The following FPGT variants were observed in gnomAD, a reference collection of about 807,000 sequenced individuals.
The protein encoded by FPGT is fucose-1-phosphate guanylyltransferase, also known as GDP-L-fucose diphosphorylase.
A neutral mutation model predicts 45.8 loss-of-function variants in FPGT; 41 were observed. The ratio of observed to expected loss-of-function variants is 0.90; its 90% CI spans 0.70 to 1.16. FPGT has a LOEUF of 1.16. FPGT is among the 50% of genes most tolerant of loss of function. The probability of loss-of-function intolerance (pLI) is 0.00; values close to 1 mark genes in which losing one functional copy is unlikely to be tolerated. For synonymous variants in FPGT, 292 were observed against 247.2 expected (o/e 1.18, Z -1.70); for missense variants, 755 against 689.1 (o/e 1.10, Z -1.07).
At chr1:74,199,881 C>A (rs537311556) in intron 2 of FPGT, 50 bp downstream of exon 2, 4 of 1,570,180 alleles carry the variant, frequency 2.5e-6, no homozygotes, top group African/African-American at 1.4e-5. Context: ...GCAGAATAAT[C>A]ATTGAAGAAA....
Position 74,207,830 on chromosome 1 carries a change from GATGTT to G in FPGT, c.*2001_*2005del, listed in dbSNP as rs1445363036. On this transcript the variant is annotated 3_prime_UTR_variant, in exon 4 of 4. Coordinates refer to ENST00000370898, the MANE Select transcript of FPGT (RefSeq NM_003838.5). ...TTATCTACTTACAGAGCGTTCAGAG[GATGTT>G]ATATGTTTATTAAGTGCTCAATACT... Among the ~76,000 whole-genome samples, 3 of 151,984 alleles carry G rather than the reference GATGTT, an allele frequency of 2.0e-5. No homozygotes were observed. The highest frequency in any genetic ancestry group is 4.4e-5 in the Non-Finnish European group (3 of 67,950).
Position 74,204,842 on chromosome 1 carries a change from T to A in FPGT, c.795T>A (p.Ser265=). The A allele has an allele frequency of 6.2e-7, 1 of 1,613,706 alleles. No individual in the cohort carries two copies. The highest frequency in any genetic ancestry group is 1.1e-5 in the South Asian group (1 of 91,078). Residue 265 remains serine, a synonymous_variant, in exon 4 of 4, where the codon TCT becomes TCA. Coordinates refer to ENST00000370898, the MANE Select transcript of FPGT (RefSeq NM_003838.5). Reference sequence around the variant, plus strand: ...ACATTGCCGATCTTAAATTAGACTCTGACTATGTCTACACAGATAGCCTAT... The same window carrying A: ...ACATTGCCGATCTTAAATTAGACTCAGACTATGTCTACACAGATAGCCTAT... ...GGDIADLKLD[S]DYVYTDSLFY...
chr1:74,199,034 A>G (rs1487680244), intron 1 of FPGT, among the ~76,000 whole-genome samples: 2 of 152,188 alleles, frequency 1.3e-5, no homozygotes, highest in African/African-American at 4.8e-5. Flanking sequence ...GTTTATCAAT[A>G]AAGAGATTCC....
chr1:74,199,546 C>T lies in FPGT; in HGVS notation c.83-118C>T, dbSNP rs1570309182. ...CCCTAACTTTCAAAAGCCAAAGATA[C>T]ATTTTGGAAGATGATAATGGATATT... On this transcript the variant is annotated intron_variant, in intron 1 of 3. Transcript: ENST00000370898. 6.3e-6 allele frequency: 7 copies of T among 1,112,170 alleles called. No individual in the cohort carries two copies. In the Middle Eastern group the frequency reaches 6.3e-4, roughly 100 times the overall value. The allele number at this position is 1,112,170 out of a possible 1,614,324, so 68.9% of individuals were successfully genotyped here.
intron 2 of FPGT, 118 bp downstream of exon 2, chr1:74,199,949 T>G: frequency 8.5e-7 from 1 of 1,179,392 alleles, no homozygotes. Flanking sequence ...CTTTACAAAC[T>G]TTAAAATTTG....
chr1:74,199,953 A>G, intron 2 of FPGT, 122 bp downstream of exon 2: 1 of 1,135,076 alleles, frequency 8.8e-7, no homozygotes, highest in East Asian at 2.7e-5. Context: ...ACAAACTTTA[A>G]AATTTGAACA....
rs1652348509 is a variant in FPGT, at chr1:74,207,177, A to G, written c.*1345A>G. On this transcript the variant is annotated 3_prime_UTR_variant, in exon 4 of 4. Coordinates refer to ENST00000370898, the MANE Select transcript of FPGT (RefSeq NM_003838.5). ...AGTGCCATCAGTTATAAGAATCACC[A>G]TTATTTTATGTTCCATTAAGAAAAA... The G allele has an allele frequency of 6.6e-6, 1 of 152,098 alleles. No homozygotes were observed. The highest frequency in any genetic ancestry group is 1.5e-5 in the Non-Finnish European group (1 of 67,980). The allele number at this position is 152,098 out of a possible 1,614,324, so 9.4% of individuals were successfully genotyped here.
rs569845479 is a variant in FPGT, at chr1:74,206,838, G to C, written c.*1006G>C. On this transcript the variant is annotated 3_prime_UTR_variant, in exon 4 of 4. Transcript: ENST00000370898. Reference sequence around the variant, plus strand: ...TCTCAAGTTATGTGTTTCTATATTGGTATAAGCATATAAGTGAAAAGTCTT... The same window carrying C: ...TCTCAAGTTATGTGTTTCTATATTGCTATAAGCATATAAGTGAAAAGTCTT... 6.6e-6 allele frequency: 1 copy of C among 152,050 alleles called. No homozygotes were observed. The highest frequency in any genetic ancestry group is 1.5e-5 in the Non-Finnish European group (1 of 67,932). The allele number at this position is 152,050 out of a possible 1,614,324, so 9.4% of individuals were successfully genotyped here.
chr1:74,202,756 A>G (rs1651915601), intron 3 of FPGT, among the ~76,000 whole-genome samples: 1 of 152,220 alleles, frequency 6.6e-6, no homozygotes, highest in Non-Finnish European at 1.5e-5. Context: ...AGCTTAAAAC[A>G]CAAACACTGT....
chr1:74,199,989 A>G, intron 2 of FPGT, 158 bp downstream of exon 2: 1 of 858,502 alleles, frequency 1.2e-6, no homozygotes, highest in Admixed American at 3.4e-5. Flanking sequence ...TAGAAAGATA[A>G]AAGGAATAGC....
In FPGT at chr1:74,208,278, C is replaced by T. The variant is rs982162436; in HGVS notation, c.*2446C>T. On this transcript the variant is annotated 3_prime_UTR_variant, in exon 4 of 4. Coordinates refer to ENST00000370898, the MANE Select transcript of FPGT (RefSeq NM_003838.5). ...TCCTAAATTTAATCCCTGAATAATG[C>T]AGTGTACATGATGATAGAGGAGAAG... Among the ~76,000 whole-genome samples the T allele has an allele frequency of 2.0e-5, 3 of 150,472 alleles. No individual in the cohort carries two copies. Among genetic ancestry groups the T allele is most frequent in the African/African-American group, 7.3e-5 (3 of 41,008 alleles).
chr1:74,202,144 G>A (rs575754), intron 3 of FPGT, among the ~76,000 whole-genome samples: 128,757 of 152,242 alleles, frequency 0.85, 55,444 homozygotes, highest in East Asian at 0.97. Flanking sequence ...GTCTCAGAAT[G>A]AAGAATAGCT....
At chr1:74,203,740 T>C (rs1557672064) in intron 3 of FPGT, among the ~76,000 whole-genome samples, 1 of 151,978 alleles carries the variant, frequency 6.6e-6, no homozygotes, top group African/African-American at 2.4e-5. Context: ...TTGAAATTTG[T>C]TGTTTAAAAT....
rs767517976 is a variant in FPGT, at chr1:74,198,347, T to A, written c.69T>A (p.Phe23Leu). The change falls in exon 1 of 4, where the codon TTT becomes TTA. Residue 23 changes from phenylalanine to leucine, a missense_variant. Physicochemically the swap from Phe to Leu is conservative, Grantham distance 22 (BLOSUM62 0). Coordinates refer to ENST00000370898, the MANE Select transcript of FPGT (RefSeq NM_003838.5). ...REATQRKLRR[F>L]SELRGKLVAR... is the part of the protein sequence containing the mutation. ...CCACCCAGCGAAAATTGCGGAGGTTTTCCGAGCTAAGAGGTACCAGAGAAG... is the reference window on the plus strand; with the variant it reads ...CCACCCAGCGAAAATTGCGGAGGTTATCCGAGCTAAGAGGTACCAGAGAAG... The A allele has an allele frequency of 4.3e-6, 7 of 1,614,130 alleles. No homozygotes were observed. Among genetic ancestry groups the A allele is most frequent in the Non-Finnish European group, 5.9e-6 (7 of 1,180,008 alleles).
chr1:74,201,529 T>A, intron 3 of FPGT, 119 bp downstream of exon 3: 1 of 651,996 alleles, frequency 1.5e-6, no homozygotes, highest in Non-Finnish European at 2.4e-6. Flanking sequence ...TTTGAAGTTA[T>A]TCTGCTTTGA....
rs1380236119 is a variant in FPGT at position 74,204,936 on chromosome 1, G to A, written c.889G>A (p.Glu297Lys). 1 of 1,614,100 alleles carries A rather than the reference G, an allele frequency of 6.2e-7. No individual in the cohort carries two copies. The highest frequency in any genetic ancestry group is 2.2e-5 in the East Asian group (1 of 44,880). ...TGAAAAAATAGGCACACTGAGCTGT[G>A]AAATAGATGCCTATGGTGACTTTCT... is the stretch of plus-strand genomic sequence containing the variant. Reference protein sequence around the residue: ...FYEKIGTLSCEIDAYGDFLQA... With the variant: ...FYEKIGTLSCKIDAYGDFLQA... Residue 297 changes from glutamate to lysine, a missense_variant, in exon 4 of 4, where the codon GAA becomes AAA. Coordinates refer to ENST00000370898, the MANE Select transcript of FPGT (RefSeq NM_003838.5).
chr1:74,199,580 T>C, intron 1 of FPGT, 84 bp from the exon 2 acceptor site: 1 of 1,451,404 alleles, frequency 6.9e-7, no homozygotes, highest in South Asian at 1.4e-5. Context: ...TTACCTTCTT[T>C]ATCATCTTTC....
In FPGT at chr1:74,201,372, A is replaced by T. The variant is rs1651781063; in HGVS notation, c.305A>T (p.Asp102Val). Reference protein sequence around the residue: ...ALQCLEKLYGDKWNSFTILLI... With the variant: ...ALQCLEKLYGVKWNSFTILLI... ...CAATGTTTGGAAAAGCTATATGGAG[A>T]TAAATGGAATTCTTTTACCATCTTA... The change falls in exon 3 of 4, where the codon GAT (aspartate) becomes GTT (valine). Residue 102 changes from aspartate to valine, a missense_variant. Physicochemically the swap from Asp to Val is radical, Grantham distance 152. Transcript: ENST00000370898. The T allele has an allele frequency of 3.1e-6, 5 of 1,611,022 alleles. No homozygotes were observed. The highest frequency in any genetic ancestry group is 1.3e-5 in the African/African-American group (1 of 74,798).
In FPGT at chr1:74,205,720, G is replaced by A; in HGVS notation, c.1673G>A (p.Ser558Asn). ...AACAAGTCAGCATTCAGCCTGAATA[G>A]CTATAAGTTGCTGTCCATTGAAGAA... ...VKNKSAFSLN[S>N]YKLLSIEEML... The change falls in exon 4 of 4, where the codon AGC (serine) becomes AAC (asparagine). Residue 558 changes from serine to asparagine, a missense_variant. Coordinates refer to ENST00000370898, the MANE Select transcript of FPGT (RefSeq NM_003838.5). The A allele has an allele frequency of 6.2e-7, 1 of 1,608,390 alleles. No individual in the cohort carries two copies. The highest frequency in any genetic ancestry group is 8.5e-7 in the Non-Finnish European group (1 of 1,174,818).
Sources: allele counts gnomAD v4.1 joint callset (sites outside exome capture counted in the v4.1 genomes callset), GRCh38; gene constraint gnomAD v4.1.1; transcripts MANE v1.5; gene names NCBI Gene and HGNC (gene_info 2026-07-23, HGNC 2026-07-21).